MYO1B: variants seen among roughly 807,000 people sequenced by gnomAD.
MYO1B encodes the protein unconventional myosin-Ib.
In MYO1B, 72 loss-of-function variants were observed where a neutral mutation model predicts 159.7. That is an observed-to-expected ratio of 0.45 (90% CI 0.37 to 0.55). The LOEUF is 0.55. Among genes scored for constraint, MYO1B ranks in the 20% least tolerant of loss-of-function variants. The pLI is 0.00. For synonymous variants in MYO1B, 468 were observed against 473.8 expected (o/e 0.99, Z 0.16); for missense variants, 1,062 against 1,364.8 (o/e 0.78, Z 3.50).
At chr2:191,258,551 A>AT (rs1281003189) in intron 1 of MYO1B, among the ~76,000 whole-genome samples, 1 of 152,186 alleles carries the variant, frequency 6.6e-6, no homozygotes, top group Non-Finnish European at 1.5e-5. Context: ...TTTCAACTGC[A>AT]TTTTAAACTT....
At chr2:191,367,976 T>G (rs1246748280) in intron 11 of MYO1B, among the ~76,000 whole-genome samples, 1 of 152,252 alleles carries the variant, frequency 6.6e-6, no homozygotes, top group Non-Finnish European at 1.5e-5. Context: ...TTTTAGCATT[T>G]GACATGCATT....
chr2:191,247,866 G>T (rs1048649545), intron 1 of MYO1B: 1 of 931,148 alleles, frequency 1.1e-6, no homozygotes, highest in Non-Finnish European at 1.3e-6. Flanking sequence ...GTGTGATAAG[G>T]CTGGCAACAG....
intron 13 of MYO1B, 136 bp from the exon 14 acceptor site, chr2:191,381,326 G>A: frequency 1.4e-6 from 1 of 730,904 alleles, no homozygotes; most frequent in Non-Finnish European, 2.5e-6. Context: ...TCTGTCCTAG[G>A]AGCCGTGTGC....
rs1692622804 is a variant in MYO1B at position 191,347,180 on chromosome 2, G to T, written c.498+898G>T. On this transcript the variant is annotated intron_variant, in intron 6 of 30. Coordinates refer to ENST00000392318, the MANE Select transcript of MYO1B (RefSeq NM_001130158.3). ...ACCTTCTTCTTTTAGATCCCGTTTG[G>T]CTCTTTCCTCCTTAAGGTTATTTTG... is the stretch of plus-strand genomic sequence containing the variant. Among the ~76,000 whole-genome samples, 3 of 152,078 alleles carry T rather than the reference G, an allele frequency of 2.0e-5. No individual in the cohort carries two copies. In the South Asian group the frequency reaches 6.2e-4, roughly 32 times the overall value.
chr2:191,278,260 T>G (rs1301894762), intron 2 of MYO1B, among the ~76,000 whole-genome samples: 2 of 152,236 alleles, frequency 1.3e-5, no homozygotes, highest in African/African-American at 4.8e-5. Flanking sequence ...CTTCTAACTG[T>G]GTCCTCACAT....
chr2:191,401,053 G>A (rs1414598831), intron 23 of MYO1B, among the ~76,000 whole-genome samples: 1 of 152,092 alleles, frequency 6.6e-6, no homozygotes. Context: ...TTACTAAAAA[G>A]GCACTAGTAT....
chr2:191,329,755 C>T (rs551165427), intron 3 of MYO1B, among the ~76,000 whole-genome samples, 180 bp from the exon 4 acceptor site: 2 of 151,422 alleles, frequency 1.3e-5, no homozygotes, highest in Admixed American at 6.6e-5. Flanking sequence ...AAGAAGGTAA[C>T]GTGTCACAAT....
chr2:191,284,449 A>C (rs879843979), intron 2 of MYO1B, among the ~76,000 whole-genome samples: 2 of 152,148 alleles, frequency 1.3e-5, no homozygotes, highest in African/African-American at 4.8e-5. Flanking sequence ...CACTGTAAGG[A>C]ATAGAGGTTC....
intron 2 of MYO1B, among the ~76,000 whole-genome samples, chr2:191,295,599 C>G (rs1688935358): frequency 6.6e-6 from 1 of 152,094 alleles, no homozygotes; most frequent in Admixed American, 6.5e-5. Context: ...TGAACGTGAT[C>G]TGAGCCCATT....
chr2:191,420,067 T>C (rs1273048321), intron 30 of MYO1B, among the ~76,000 whole-genome samples: 1 of 152,034 alleles, frequency 6.6e-6, no homozygotes, highest in East Asian at 1.9e-4. Context: ...CCAGCCATGG[T>C]GACACACACC....
rs1697105534 is a variant in MYO1B at position 191,409,143 on chromosome 2, C to T, written c.2731C>T (p.His911Tyr). 1 of 1,612,234 alleles carries T rather than the reference C, an allele frequency of 6.2e-7. No individual in the cohort carries two copies. The highest frequency in any genetic ancestry group is 8.5e-7 in the Non-Finnish European group (1 of 1,179,528). ...ACCTTACTTATTCTTGGATTCTACT[C>T]ACAAGGAGCTAAAAAGGATTTTCCA... ...SRPYLFLDST[H>Y]KELKRIFHLW... The change falls in exon 26 of 31, where the codon CAC (histidine) becomes TAC (tyrosine). Residue 911 changes from histidine (H) to tyrosine (Y), a missense_variant. This residue lies in a region of MYO1B where 609 missense variants were observed against 744.4 expected (regional missense o/e 0.82). Transcript: ENST00000392318.
At chr2:191,251,878 A>C (rs1574261697) in intron 1 of MYO1B, among the ~76,000 whole-genome samples, 1 of 152,066 alleles carries the variant, frequency 6.6e-6, no homozygotes, top group Admixed American at 6.5e-5. Flanking sequence ...CTTAATTGCA[A>C]GATTCCTGCT....
chr2:191,377,245 C>G (rs567045893), intron 13 of MYO1B, among the ~76,000 whole-genome samples: 1 of 152,152 alleles, frequency 6.6e-6, no homozygotes, highest in Non-Finnish European at 1.5e-5. Context: ...GCCTCAGCTT[C>G]ATTTAGGGAG....
intron 3 of MYO1B, among the ~76,000 whole-genome samples, chr2:191,300,331 A>T (rs1206605620): frequency 1.4e-5 from 2 of 142,006 alleles, no homozygotes; most frequent in Non-Finnish European, 3.0e-5. Flanking sequence ...TTTGAAATTT[A>T]CTTGTCAATT....
At chr2:191,287,928 G>T (rs1688476958) in intron 2 of MYO1B, among the ~76,000 whole-genome samples, 1 of 151,728 alleles carries the variant, frequency 6.6e-6, no homozygotes, top group Non-Finnish European at 1.5e-5. Flanking sequence ...ACTACTCAGG[G>T]GATGTCTTTG....
chr2:191,326,815 T>C (rs72916546), intron 3 of MYO1B, among the ~76,000 whole-genome samples: 44,957 of 143,400 alleles, frequency 0.31, 7,242 homozygotes, highest in South Asian at 0.47. Flanking sequence ...TGTGTGTGTG[T>C]GCGCGCGCCA....
At chr2:191,371,717 AG>A (rs1436734908) in intron 13 of MYO1B, among the ~76,000 whole-genome samples, 2 of 152,150 alleles carry the variant, frequency 1.3e-5, no homozygotes, top group Non-Finnish European at 2.9e-5. Flanking sequence ...TCTGGAAGTA[AG>A]AAAAAAATAA....
intron 18 of MYO1B, 29 bp downstream of exon 18, chr2:191,390,521 A>G (rs1343001815): frequency 6.3e-7 from 1 of 1,598,704 alleles, no homozygotes; most frequent in Non-Finnish European, 8.5e-7. Flanking sequence ...ATATTTAATA[A>G]TGAATGTTTT....
At chr2:191,421,873 A>G (rs1325157027) in intron 30 of MYO1B, among the ~76,000 whole-genome samples, 1 of 152,216 alleles carries the variant, frequency 6.6e-6, no homozygotes, top group Admixed American at 6.5e-5. Context: ...ACACATACAT[A>G]CAAGTATATA....
Sources: allele counts gnomAD v4.1 joint callset (sites outside exome capture counted in the v4.1 genomes callset), GRCh38; gene constraint gnomAD v4.1.1; regional missense constraint gnomAD v4.1.1; transcripts MANE v1.5; gene names NCBI Gene and HGNC (gene_info 2026-07-23, HGNC 2026-07-21).